PARD3B: variants seen among roughly 807,000 people sequenced by gnomAD.
PARD3B encodes the protein partitioning defective 3 homolog B.
In PARD3B, 103 loss-of-function variants were observed where a neutral mutation model predicts 130.2. The ratio of observed to expected loss-of-function variants is 0.79; its 90% CI spans 0.67 to 0.93. The LOEUF is 0.93. PARD3B is among the 40% of genes least tolerant of loss of function. The pLI is 0.00. For missense variants in PARD3B, 1,609 were observed against 1,499.2 expected, an observed-to-expected ratio of 1.07 and a Z score of -1.21; for synonymous variants, 583 against 553.2, an observed-to-expected ratio of 1.05 and a Z score of -0.76.
At chr2:205,383,393 T>C (rs2045552900) in intron 18 of PARD3B, among the ~76,000 whole-genome samples, 1 of 152,070 alleles carries the variant, frequency 6.6e-6, no homozygotes, top group Non-Finnish European at 1.5e-5. Context: ...TGCTAATCCA[T>C]ACCCTAGTAC....
In PARD3B at chr2:205,379,688, A is replaced by G. The variant is rs1270721964; in HGVS notation, c.2631-21325A>G. Among the ~76,000 whole-genome samples, 4 of 152,104 alleles carry G rather than the reference A, an allele frequency of 2.6e-5. No individual in the cohort carries two copies. The East Asian group carries it at 7.7e-4, about 29-fold the overall frequency. Reference sequence around the variant, plus strand: ...CATCCTAGTAATTGGCAAACAAAAAAAGTGGCAGCATCTTATATCTCTGCA... The same window carrying G: ...CATCCTAGTAATTGGCAAACAAAAAGAGTGGCAGCATCTTATATCTCTGCA... On this transcript the variant is annotated intron_variant, in intron 18 of 22. Transcript: ENST00000406610.
rs1231030778 is a variant in PARD3B at position 205,224,370 on chromosome 2, C to CAAAAAAAA, written c.2141-21397_2141-21390dup. 7.4e-3 allele frequency among the ~76,000 whole-genome samples: 411 copies of CAAAAAAAA among 55,878 alleles called. 58 individuals carry two copies. The highest frequency in any genetic ancestry group is 0.023 in the African/African-American group (273 of 11,856). The allele number at this position is 55,878 out of a possible 152,430, so 36.7% of individuals were successfully genotyped here. A position where few individuals can be genotyped will look rare whatever the true frequency, so the allele number is the denominator to read the frequency against. ...TGGGCCACAGAGCGAGACTCCGTCTCAAAAAAAAAAAAAAAAAAGAAAGAA... is the reference window on the plus strand; with the variant it reads ...TGGGCCACAGAGCGAGACTCCGTCTCAAAAAAAAAAAAAAAAAAAAAAAAAAGAAAGAA... On this transcript the variant is annotated intron_variant, in intron 15 of 22. Coordinates refer to ENST00000406610, the MANE Select transcript of PARD3B (RefSeq NM_001302769.2).
At chr2:204,965,621 T>C (rs1186740639) in intron 3 of PARD3B, among the ~76,000 whole-genome samples, 2 of 152,238 alleles carry the variant, frequency 1.3e-5, no homozygotes, top group Admixed American at 1.3e-4. Flanking sequence ...TTTTAAAAAA[T>C]TCCTGAAAAA....
chr2:204,888,262 C>T (rs2046328309), intron 2 of PARD3B, among the ~76,000 whole-genome samples: 1 of 151,992 alleles, frequency 6.6e-6, no homozygotes. Flanking sequence ...TGAAGTGTTC[C>T]CAACAGAGAA....
chr2:205,541,334 T>TCACAGAAA (rs2052119825), intron 21 of PARD3B, among the ~76,000 whole-genome samples: 1 of 143,644 alleles, frequency 7.0e-6, no homozygotes, highest in Non-Finnish European at 1.5e-5. Flanking sequence ...GTTTTAATGC[T>TCACAGAAA]CACAGAAACT....
chr2:204,549,251 A>T (rs2030261795), intron 1 of PARD3B, among the ~76,000 whole-genome samples: 2 of 152,154 alleles, frequency 1.3e-5, no homozygotes, highest in African/African-American at 4.8e-5. Flanking sequence ...AACGTGGTGG[A>T]CTGAGAGGTG....
At chr2:204,979,905 A>G (rs1692521329) in intron 3 of PARD3B, among the ~76,000 whole-genome samples, 1 of 152,222 alleles carries the variant, frequency 6.6e-6, no homozygotes, top group Admixed American at 6.5e-5. Flanking sequence ...GACAATGTAT[A>G]AGACTATCTT....
chr2:205,140,871 C>G (rs951291133), intron 10 of PARD3B, among the ~76,000 whole-genome samples: 6 of 151,986 alleles, frequency 3.9e-5, no homozygotes, highest in Middle Eastern at 3.2e-3. Flanking sequence ...AAAATGAAGT[C>G]GAAAAGGCAT....
chr2:204,989,259 A>G (rs1055968658), intron 3 of PARD3B, among the ~76,000 whole-genome samples: 2 of 152,114 alleles, frequency 1.3e-5, no homozygotes, highest in African/African-American at 4.8e-5. Context: ...CATGCTCAGG[A>G]AAAAGAAAAA....
At chr2:204,594,123 A>G (rs2033189168) in intron 1 of PARD3B, among the ~76,000 whole-genome samples, 1 of 152,192 alleles carries the variant, frequency 6.6e-6, no homozygotes, top group Admixed American at 6.5e-5. Context: ...GATACTGGGT[A>G]AAAGGAGTTG....
intron 3 of PARD3B, among the ~76,000 whole-genome samples, chr2:205,006,269 A>G (rs1258312131): frequency 6.6e-6 from 1 of 152,238 alleles, no homozygotes; most frequent in East Asian, 1.9e-4. Flanking sequence ...GTGCTGCTGT[A>G]AACGTGTGTA....
chr2:205,222,562 G>A (rs2038299861), intron 15 of PARD3B, among the ~76,000 whole-genome samples: 1 of 152,176 alleles, frequency 6.6e-6, no homozygotes, highest in African/African-American at 2.4e-5. Flanking sequence ...TAAAAAAGGG[G>A]TCACTAGACA....
intron 1 of PARD3B, among the ~76,000 whole-genome samples, chr2:204,632,776 G>A (rs2034727610): frequency 6.6e-6 from 1 of 152,182 alleles, no homozygotes; most frequent in Non-Finnish European, 1.5e-5. Context: ...CCTTGGCTCT[G>A]TGTCATTCCT....
At chr2:204,712,691 A>G (rs1262139215) in intron 2 of PARD3B, among the ~76,000 whole-genome samples, 2 of 152,026 alleles carry the variant, frequency 1.3e-5, no homozygotes, top group Non-Finnish European at 2.9e-5. Context: ...TCCATGTAAA[A>G]GAGTAACTAA....
intron 20 of PARD3B, among the ~76,000 whole-genome samples, chr2:205,464,534 G>A (rs1168265826): frequency 2.6e-5 from 4 of 152,158 alleles, no homozygotes; most frequent in African/African-American, 9.7e-5. Context: ...GAATCTTTGG[G>A]TGCAGGGTAG....
At chr2:205,345,197 C>CA (rs920906335) in intron 18 of PARD3B, among the ~76,000 whole-genome samples, 58 of 151,376 alleles carry the variant, frequency 3.8e-4, no homozygotes, top group African/African-American at 1.1e-3. Flanking sequence ...AGTGAAGACC[C>CA]AAAAAAAACA....
intron 21 of PARD3B, among the ~76,000 whole-genome samples, chr2:205,508,175 T>A (rs754181755): frequency 1.3e-5 from 2 of 152,172 alleles, no homozygotes; most frequent in African/African-American, 2.4e-5. Context: ...TTACATAGAG[T>A]TGCTCTGTTT....
intron 1 of PARD3B, among the ~76,000 whole-genome samples, chr2:204,546,850 A>C (rs1472129855): frequency 6.6e-6 from 1 of 152,202 alleles, no homozygotes; most frequent in Non-Finnish European, 1.5e-5. Flanking sequence ...ATTAAGTGAC[A>C]ATTTTTTTTA....
At chr2:205,100,854 G>A (rs575761245) in intron 4 of PARD3B, among the ~76,000 whole-genome samples, 1 of 152,016 alleles carries the variant, frequency 6.6e-6, no homozygotes, top group African/African-American at 2.4e-5. Context: ...ATGATAATAG[G>A]CCTAAATGTA....
Sources: allele counts gnomAD v4.1 joint callset (sites outside exome capture counted in the v4.1 genomes callset), GRCh38; gene constraint gnomAD v4.1.1; transcripts MANE v1.5; gene names NCBI Gene and HGNC (gene_info 2026-07-23, HGNC 2026-07-21).